Variants in ADRA1B observed in about 807,000 individuals in gnomAD.
ADRA1B encodes alpha-1B adrenergic receptor.
Under a neutral mutation model 17.9 loss-of-function variants are expected in ADRA1B, and 17 were observed. The observed-to-expected ratio is 0.95, with a 90% CI of 0.65 to 1.42. The LOEUF (loss-of-function observed/expected upper bound fraction) is 1.42. ADRA1B is among the 40% of genes most tolerant of loss of function. The pLI is 0.00. For synonymous variants in ADRA1B, 366 were observed against 327.6 expected, an observed-to-expected ratio of 1.12 and a Z score of -1.27; for missense variants, 681 against 722.1, an observed-to-expected ratio of 0.94 and a Z score of 0.65.
At chr5:159,898,485 A>G (rs1041295199) in intron 1 of ADRA1B, among the ~76,000 whole-genome samples, 1 of 152,222 alleles carries the variant, frequency 6.6e-6, no homozygotes, top group Non-Finnish European at 1.5e-5. Context: ...TCTCTAATGT[A>G]TGTTTGGAAA....
intron 1 of ADRA1B, among the ~76,000 whole-genome samples, chr5:159,942,631 T>C (rs1349917446): frequency 3.3e-5 from 5 of 152,156 alleles, no homozygotes; most frequent in Admixed American, 3.3e-4. Flanking sequence ...GGCAACACAG[T>C]GAGACCCTCA....
chr5:159,922,382 A>G (rs1754509537), intron 1 of ADRA1B, among the ~76,000 whole-genome samples: 1 of 152,208 alleles, frequency 6.6e-6, no homozygotes, highest in South Asian at 2.1e-4. Flanking sequence ...GTCCGTCAGA[A>G]CAGACCCATA....
intron 1 of ADRA1B, among the ~76,000 whole-genome samples, chr5:159,931,885 C>T (rs188538958): frequency 1.4e-4 from 21 of 152,334 alleles, no homozygotes; most frequent in Admixed American, 1.0e-3. Context: ...TTTCACATGA[C>T]CCACTTACCA....
chr5:159,917,423 C>A lies in ADRA1B; in HGVS notation c.518C>A (p.Ser173Tyr), dbSNP rs1356937048. The A allele has an allele frequency of 6.2e-7, 1 of 1,614,052 alleles. No individual in the cohort carries two copies. The highest frequency in any genetic ancestry group is 8.5e-7 in the Non-Finnish European group (1 of 1,180,034). The change falls in exon 1 of 2, where the codon TCC becomes TAC. Residue 173 changes from serine (S) to tyrosine (Y), a missense_variant. This residue lies in a region of ADRA1B where 424 missense variants were observed against 480.2 expected (regional missense o/e 0.88). Transcript: ENST00000306675. ...ILALLSVWVL[S>Y]TVISIGPLLG... ...GCGCTGCTCAGTGTCTGGGTCTTGT[C>A]CACCGTCATCTCCATCGGGCCTCTC... is the stretch of plus-strand genomic sequence containing the variant.
chr5:159,944,810 T>C (rs1169177808), intron 1 of ADRA1B, among the ~76,000 whole-genome samples: 1 of 152,054 alleles, frequency 6.6e-6, no homozygotes, highest in Non-Finnish European at 1.5e-5. Flanking sequence ...CAGCCAGATA[T>C]CTATTAAGTA....
At chr5:159,876,535 T>C (rs553747570) in intron 1 of ADRA1B, among the ~76,000 whole-genome samples, 2 of 152,208 alleles carry the variant, frequency 1.3e-5, no homozygotes, top group Non-Finnish European at 2.9e-5. Flanking sequence ...GGAATGAAAT[T>C]GTCATTTCTG....
At chr5:159,923,531 A>G (rs1581037126) in intron 1 of ADRA1B, among the ~76,000 whole-genome samples, 3 of 152,378 alleles carry the variant, frequency 2.0e-5, no homozygotes, top group South Asian at 4.1e-4. Flanking sequence ...TGGAGGTACC[A>G]TTTGTTGAGA....
rs370163782 is a variant in ADRA1B at position 159,957,667 on chromosome 5, G to A, written c.950-14212G>A. ...TGTTAGAAATATCATTCCTTGGCCA[G>A]GATCATGCCTATAATCCCAGCACTT... On this transcript the variant is annotated intron_variant, in intron 1 of 1. Transcript: ENST00000306675. Among the ~76,000 whole-genome samples, 8 of 151,920 alleles carry A rather than the reference G, an allele frequency of 5.3e-5. No individual in the cohort carries two copies. The East Asian group carries it at 1.5e-3, about 29-fold the overall frequency.
chr5:159,906,839 C>T (rs1754166868), intron 1 of ADRA1B, among the ~76,000 whole-genome samples: 1 of 152,174 alleles, frequency 6.6e-6, no homozygotes, highest in Admixed American at 6.5e-5. Flanking sequence ...CTTGAGAGCT[C>T]CAGACTGAAT....
At chr5:159,905,183 G>C (rs905713038) in intron 1 of ADRA1B, among the ~76,000 whole-genome samples, 11 of 152,196 alleles carry the variant, frequency 7.2e-5, no homozygotes, top group Non-Finnish European at 1.6e-4. Flanking sequence ...GGGATCTTGG[G>C]GAGGGGTTAT....
At chr5:159,969,000 T>C (rs1581072898) in intron 1 of ADRA1B, among the ~76,000 whole-genome samples, 1 of 152,350 alleles carries the variant, frequency 6.6e-6, no homozygotes, top group South Asian at 2.1e-4. Flanking sequence ...CATCAGGGAA[T>C]ACTAGGTGCT....
chr5:159,909,190 A>G (rs533617152), intron 1 of ADRA1B, among the ~76,000 whole-genome samples: 1 of 152,096 alleles, frequency 6.6e-6, no homozygotes, highest in African/African-American at 2.4e-5. Flanking sequence ...TCCCCCCTTC[A>G]CTATGCTCCC....
chr5:159,934,436 G>A (rs1205662126), intron 1 of ADRA1B, among the ~76,000 whole-genome samples: 1 of 151,968 alleles, frequency 6.6e-6, no homozygotes, highest in Non-Finnish European at 1.5e-5. Context: ...GAAGACGGCT[G>A]GCACCTTCTC....
chr5:159,877,898 C>T (rs1427820140), intron 1 of ADRA1B, among the ~76,000 whole-genome samples: 2 of 152,184 alleles, frequency 1.3e-5, no homozygotes, highest in Non-Finnish European at 2.9e-5. Context: ...GTTTTGATGG[C>T]AGCTGGAGTG....
chr5:159,938,523 C>A (rs1755017248), intron 1 of ADRA1B, among the ~76,000 whole-genome samples: 1 of 152,112 alleles, frequency 6.6e-6, no homozygotes, highest in Non-Finnish European at 1.5e-5. Flanking sequence ...GAGACTAGAA[C>A]AGAAAATATG....
chr5:159,946,062 A>G (rs1345560918), intron 1 of ADRA1B, among the ~76,000 whole-genome samples: 1 of 152,180 alleles, frequency 6.6e-6, no homozygotes, highest in Non-Finnish European at 1.5e-5. Flanking sequence ...TCTGTTTTTA[A>G]AGACTTCATT....
At chr5:159,939,716 G>A (rs1180250038) in intron 1 of ADRA1B, among the ~76,000 whole-genome samples, 3 of 152,100 alleles carry the variant, frequency 2.0e-5, no homozygotes, top group Non-Finnish European at 4.4e-5. Context: ...GCAATCACAC[G>A]TGGCCCCTGC....
At chr5:159,880,680 C>T (rs1354124028) in intron 1 of ADRA1B, among the ~76,000 whole-genome samples, 1 of 152,230 alleles carries the variant, frequency 6.6e-6, no homozygotes, top group Non-Finnish European at 1.5e-5. Context: ...GAGGCCAAAT[C>T]TGCCCCCTTT....
intron 1 of ADRA1B, among the ~76,000 whole-genome samples, chr5:159,876,822 G>T (rs74843316): frequency 6.6e-6 from 1 of 152,158 alleles, no homozygotes; most frequent in South Asian, 2.1e-4. Flanking sequence ...CCTTCTTCTG[G>T]ACTCTATGTA....
Sources: allele counts gnomAD v4.1 joint callset (sites outside exome capture counted in the v4.1 genomes callset), GRCh38; gene constraint gnomAD v4.1.1; regional missense constraint gnomAD v4.1.1; transcripts MANE v1.5; gene names NCBI Gene and HGNC (gene_info 2026-07-23, HGNC 2026-07-21).